CD22: variants seen among roughly 807,000 people sequenced by gnomAD.
The protein encoded by CD22 is B-cell receptor CD22.
In CD22, 51 loss-of-function variants were observed where a neutral mutation model predicts 94.7. The observed-to-expected ratio is 0.54, with a 90% CI of 0.43 to 0.68. CD22 has a LOEUF of 0.68. Ranked by LOEUF, CD22 falls within the 30% of genes least tolerant of loss-of-function variation. CD22 has a pLI of 0.00. For synonymous variants in CD22, 424 were observed against 422.5 expected (o/e 1.00, Z -0.04); for missense variants, 931 against 1,060.4 (o/e 0.88, Z 1.69).
rs938375841 is a variant in CD22, at chr19:35,343,053, C to T, written c.2035+1088C>T. On this transcript the variant is annotated intron_variant, in intron 9 of 13. Coordinates refer to ENST00000085219, the MANE Select transcript of CD22 (RefSeq NM_001771.4). ...GACCTCGTGATCCGCTCGCCTCGGC[C>T]TTCCAAAGTGCTGGGATTACAGGCG... Among the ~76,000 whole-genome samples the T allele has an allele frequency of 2.6e-5, 4 of 151,800 alleles. No homozygotes were observed. The East Asian group carries it at 7.8e-4, about 29-fold the overall frequency.
intron 9 of CD22, among the ~76,000 whole-genome samples, chr19:35,344,320 G>A (rs2066866740): frequency 6.6e-6 from 1 of 152,236 alleles, no homozygotes; most frequent in South Asian, 2.1e-4. Context: ...ATTGTTCCCT[G>A]GGTATCCCCT....
Position 35,336,065 on chromosome 19 carries a change from C to G in CD22, c.442C>G (p.Pro148Ala). 5 of 1,613,872 alleles carry G rather than the reference C, an allele frequency of 3.1e-6. No homozygotes were observed. The highest frequency in any genetic ancestry group is 4.2e-6 in the Non-Finnish European group (5 of 1,179,892). The change falls in exon 4 of 14, where the codon CCT becomes GCT. Residue 148 changes from proline (P) to alanine (A), a missense_variant. Pro to Ala is a conservative substitution (Grantham distance 27, BLOSUM62 -1). Transcript: ENST00000085219. The part of the protein sequence containing the change: ...ERPFPPHIQL[P>A]PEIQESQEVT... The stretch of plus-strand genomic sequence containing the variant: ...GCCTTTTCCACCTCATATCCAGCTC[C>G]CTCCAGAAATTCAAGAGTCCCAGGA...
chr19:35,332,245 T>C (rs1160914907), intron 2 of CD22, 171 bp downstream of exon 2: 4 of 679,964 alleles, frequency 5.9e-6, no homozygotes, highest in African/African-American at 1.8e-5. Context: ...CATACACTTC[T>C]CTCATTGCAT....
Position 35,346,567 on chromosome 19 carries a change from G to T in CD22, c.2414G>T (p.Gly805Val), listed in dbSNP as rs1266980051. ...TYSALHKRQV[G>V]DYENVIPDFP... is the part of the protein sequence containing the mutation. Reference sequence around the variant, plus strand: ...CTAACCACCATGCGGTTTTCTCAGGGCGACTATGAGAACGTCATTCCAGAT... The same window carrying T: ...CTAACCACCATGCGGTTTTCTCAGGTCGACTATGAGAACGTCATTCCAGAT... Residue 805 changes from glycine (G) to valine (V), a missense_variant and splice_region_variant, in exon 14 of 14, where the codon GGC becomes GTC. By Grantham distance (109) the Gly-to-Val change is moderately radical. Transcript: ENST00000085219. 6.3e-7 allele frequency: 1 copy of T among 1,599,316 alleles called. No individual in the cohort carries two copies. Among genetic ancestry groups the T allele is most frequent in the South Asian group, 1.1e-5 (1 of 88,958 alleles).
Position 35,344,883 on chromosome 19 carries a change from C to T in CD22, c.2090C>T (p.Ala697Val). ...GCTGTGGGACTCGGGTCCTGCCTCG[C>T]CATCCTCATCCTGGCAATCTGTGGG... The part of the protein sequence containing the change: ...RVAVGLGSCL[A>V]ILILAICGLK... Residue 697 changes from alanine to valine, a missense_variant, in exon 10 of 14, where the codon GCC (alanine) becomes GTC (valine). Ala to Val is a moderately conservative substitution (Grantham distance 64). Coordinates refer to ENST00000085219, the MANE Select transcript of CD22 (RefSeq NM_001771.4). 6.2e-7 allele frequency: 1 copy of T among 1,614,084 alleles called. No homozygotes were observed.
chr19:35,340,632 G>A (rs1350944510), intron 6 of CD22, among the ~76,000 whole-genome samples: 1 of 152,200 alleles, frequency 6.6e-6, no homozygotes. Context: ...CCATGCCCGT[G>A]CGCCTCTCAG....
At chr19:35,344,790 G>T (rs775680840) in intron 9 of CD22, 39 bp from the exon 10 acceptor site, 2 of 1,452,990 alleles carry the variant, frequency 1.4e-6, no homozygotes, top group East Asian at 2.3e-5. Flanking sequence ...GGGAGAGCTG[G>T]CCCCTCAGTT....
rs138089449 is a variant in CD22 at position 35,337,928 on chromosome 19, G to A, written c.892G>A (p.Glu298Lys). ...GAATACATTCACGCTAAACCTGCGCGAAGTGACCAAGGACCAGAGTGGGAA... is the reference window on the plus strand; with the variant it reads ...GAATACATTCACGCTAAACCTGCGCAAAGTGACCAAGGACCAGAGTGGGAA... ...KQNTFTLNLR[E>K]VTKDQSGKYC... The change falls in exon 5 of 14, where the codon GAA (glutamate) becomes AAA (lysine). Residue 298 changes from glutamate (E) to lysine (K), a missense_variant. By Grantham distance (56) the Glu-to-Lys change is moderately conservative. Coordinates refer to ENST00000085219, the MANE Select transcript of CD22 (RefSeq NM_001771.4). This position sits in a 1 kb window ranked among gnomAD's most constrained non-coding sequence, Gnocchi z 4.4. The A allele has an allele frequency of 2.5e-3, 4,031 of 1,614,228 alleles. 9 individuals carry two copies. The highest frequency in any genetic ancestry group is 3.1e-3 in the Non-Finnish European group (3,615 of 1,180,032).
Position 35,341,787 on chromosome 19 carries a change from C to T in CD22, c.1857C>T (p.Asp619=), listed in dbSNP as rs375562226. The T allele has an allele frequency of 2.6e-4, 427 of 1,613,278 alleles. No homozygotes were observed. Among genetic ancestry groups the T allele is most frequent in the Non-Finnish European group, 3.1e-4 (371 of 1,180,014 alleles). The stretch of plus-strand genomic sequence containing the variant: ...GTGCAACCCTGACCTGTGAGAGCGA[C>T]GCCAACCCTCCCGTCTCCCACTACA... The part of the protein sequence containing the change: ...GKSATLTCES[D]ANPPVSHYTW... Residue 619 remains aspartate (D), a synonymous_variant, in exon 9 of 14, where the codon GAC becomes GAT. Transcript: ENST00000085219. This position sits in a 1 kb window ranked among gnomAD's most constrained non-coding sequence, Gnocchi z 4.0.
intron 4 of CD22, chr19:35,336,591 T>A (rs1023617882): frequency 9.8e-6 from 5 of 509,258 alleles, no homozygotes; most frequent in Non-Finnish European, 1.8e-5. Context: ...TTTGTTCCCC[T>A]CTTGGTGGGG....
intron 6 of CD22, among the ~76,000 whole-genome samples, chr19:35,340,458 AT>A (rs1199204531): frequency 6.6e-6 from 1 of 152,060 alleles, no homozygotes; most frequent in Non-Finnish European, 1.5e-5. Flanking sequence ...AATTTTTAAA[AT>A]TTTTAGTAGA....
At chr19:35,332,174 G>A in intron 2 of CD22, 100 bp downstream of exon 2, 1 of 1,345,578 alleles carries the variant, frequency 7.4e-7, no homozygotes, top group Admixed American at 1.7e-5. Context: ...CATAGGGTAG[G>A]GTGGGGGCAG....
Position 35,336,969 on chromosome 19 carries a change from G to A in CD22, c.718+628G>A, listed in dbSNP as rs565341942. 1.4e-3 allele frequency among the ~76,000 whole-genome samples: 208 copies of A among 152,210 alleles called. 2 individuals carry two copies. Among genetic ancestry groups the A allele is most frequent in the African/African-American group, 4.7e-3 (196 of 41,536 alleles). The stretch of plus-strand genomic sequence containing the variant: ...AAGGTGAGCACTTAGGCCGGGTGCG[G>A]TGGCTCACGCCTGTAATCCTAGCAC... On this transcript the variant is annotated intron_variant, in intron 4 of 13. Coordinates refer to ENST00000085219, the MANE Select transcript of CD22 (RefSeq NM_001771.4).
chr19:35,335,942 C>G, intron 3 of CD22, 94 bp from the exon 4 acceptor site: 2 of 1,001,022 alleles, frequency 2.0e-6, no homozygotes, highest in South Asian at 3.1e-5. Context: ...GCAAGGGGTT[C>G]CTGAGGGGTG....
Position 35,337,901 on chromosome 19 carries a change from C to A in CD22, c.865C>A (p.Gln289Lys), listed in dbSNP as rs1246480469. The change falls in exon 5 of 14, where the codon CAG (glutamine) becomes AAG (lysine). Residue 289 changes from glutamine to lysine, a missense_variant. Gln to Lys is a moderately conservative substitution (Grantham distance 53). Transcript: ENST00000085219. This position sits in a 1 kb window ranked among gnomAD's most constrained non-coding sequence, Gnocchi z 4.4. ...CAAGGATGGGACCTCGCTGAAGAAG[C>A]AGAATACATTCACGCTAAACCTGCG... ...WLKDGTSLKKQNTFTLNLREV... is the reference protein window; with the variant it reads ...WLKDGTSLKKKNTFTLNLREV... 5 of 1,614,070 alleles carry A rather than the reference C, an allele frequency of 3.1e-6. No individual in the cohort carries two copies. Among genetic ancestry groups the A allele is most frequent in the Non-Finnish European group, 4.2e-6 (5 of 1,180,034 alleles).
Position 35,346,844 on chromosome 19 carries a change from C to T in CD22, c.*147C>T, listed in dbSNP as rs1304497794. Reference sequence around the variant, plus strand: ...CACACACACACACACACACTCACTGCGGAGAACCTTGTGCCTGGCTCAGAG... The same window carrying T: ...CACACACACACACACACACTCACTGTGGAGAACCTTGTGCCTGGCTCAGAG... On this transcript the variant is annotated 3_prime_UTR_variant, in exon 14 of 14. Transcript: ENST00000085219. 7 of 807,450 alleles carry T rather than the reference C, an allele frequency of 8.7e-6. No homozygotes were observed. Among genetic ancestry groups the T allele is most frequent in the African/African-American group, 5.3e-5 (3 of 57,022 alleles). The allele number at this position is 807,450 out of a possible 1,614,324, so 50.0% of individuals were successfully genotyped here.
chr19:35,343,671 C>A (rs931875086), intron 9 of CD22, among the ~76,000 whole-genome samples: 13 of 151,976 alleles, frequency 8.6e-5, no homozygotes, highest in Admixed American at 1.3e-4. Flanking sequence ...CACTTGAGCC[C>A]AGGAGTTTGA....
At chr19:35,343,099 A>ATTTTT (rs762734941) in intron 9 of CD22, among the ~76,000 whole-genome samples, 1 of 132,920 alleles carries the variant, frequency 7.5e-6, no homozygotes, top group African/African-American at 2.8e-5. Flanking sequence ...CACCCGGCTG[A>ATTTTT]TTTTTTTTTT....
intron 9 of CD22, 144 bp downstream of exon 9, chr19:35,342,109 T>A (rs2066824211): frequency 7.4e-6 from 5 of 674,932 alleles, no homozygotes; most frequent in Non-Finnish European, 1.2e-5. Context: ...CTCCTCTTCC[T>A]CCTTCTTCTT....
Sources: gnomAD v4.1 joint callset for allele counts (sites outside exome capture counted in the v4.1 genomes callset) on GRCh38, gnomAD v4.1.1 for gene constraint, Gnocchi (gnomAD v3.1) non-coding constraint, MANE v1.5 for transcripts, NCBI Gene and HGNC (gene_info 2026-07-23, HGNC 2026-07-21) for gene names.